KDM3A: variants seen among roughly 807,000 people sequenced by gnomAD.
KDM3A encodes lysine demethylase 3A, also known as lysine-specific demethylase 3A.
A neutral mutation model predicts 158.0 loss-of-function variants in KDM3A; 60 were observed. That is an observed-to-expected ratio of 0.38 (90% CI 0.31 to 0.47). The LOEUF (loss-of-function observed/expected upper bound fraction) is 0.47, where lower values mean the gene tolerates loss of function less well. Among genes scored for constraint, KDM3A ranks in the 20% least tolerant of loss-of-function variants. KDM3A has a pLI of 0.99. For synonymous variants in KDM3A, 608 were observed against 549.3 expected (o/e 1.11, Z -1.49); for missense variants, 1,319 against 1,574.3 (o/e 0.84, Z 2.74).
chr2:86,475,524 T>C (rs572299739), intron 12 of KDM3A, among the ~76,000 whole-genome samples: 59 of 152,292 alleles, frequency 3.9e-4, no homozygotes, highest in Admixed American at 8.5e-4. Flanking sequence ...TTGGGAGCAC[T>C]GTTACACTGA....
chr2:86,447,977 G>T (rs1683022625), intron 2 of KDM3A, among the ~76,000 whole-genome samples: 1 of 152,176 alleles, frequency 6.6e-6, no homozygotes, highest in African/African-American at 2.4e-5. Context: ...TATGGATTCT[G>T]TGGCTAGGAA....
intron 21 of KDM3A, 193 bp from the exon 22 acceptor site, chr2:86,489,125 G>A: frequency 1.7e-6 from 1 of 576,950 alleles, no homozygotes; most frequent in Non-Finnish European, 2.9e-6. Context: ...TGCTGTTTTT[G>A]GCTTCTGAGT....
At chr2:86,483,903 A>G (rs1674057951) in intron 18 of KDM3A, 84 bp from the exon 19 acceptor site, 1 of 1,079,126 alleles carries the variant, frequency 9.3e-7, no homozygotes, top group Non-Finnish European at 1.4e-6. Flanking sequence ...AAATATACCA[A>G]TAGCAGTGTG....
intron 2 of KDM3A, chr2:86,442,527 A>T: frequency 3.7e-6 from 1 of 267,052 alleles, no homozygotes; most frequent in South Asian, 8.3e-5. Flanking sequence ...ACTGCAGAGG[A>T]GGAGGAGTAT....
At chr2:86,474,631 TC>T in intron 11 of KDM3A, 144 bp from the exon 12 acceptor site, 1 of 593,698 alleles carries the variant, frequency 1.7e-6, no homozygotes, top group South Asian at 2.1e-5. Context: ...ACCACTGCAC[TC>T]CAGCCTGGGT....
intron 8 of KDM3A, among the ~76,000 whole-genome samples, chr2:86,461,462 G>A (rs1467777092): frequency 6.6e-6 from 1 of 152,056 alleles, no homozygotes; most frequent in Non-Finnish European, 1.5e-5. Flanking sequence ...TTCACTCCTT[G>A]GTATGTTCAT....
Position 86,456,837 on chromosome 2 carries a change from G to A in KDM3A, c.714G>A (p.Leu238=), listed in dbSNP as rs1471109914. The A allele has an allele frequency of 6.2e-7, 1 of 1,612,484 alleles. No homozygotes were observed. The highest frequency in any genetic ancestry group is 8.5e-7 in the Non-Finnish European group (1 of 1,178,958). The change falls in exon 7 of 26, where the codon CTG becomes CTA. Residue 238 remains leucine (L), a synonymous_variant. Coordinates refer to ENST00000312912, the MANE Select transcript of KDM3A (RefSeq NM_018433.6). ...CACTGAAAATTGTTGATCCGTCACT[G>A]ATTCATGTTGAAGTTGTACACGATA... ...IPALKIVDPS[L]IHVEVVHDNL... is the part of the protein sequence containing the mutation.
upstream of KDM3A, among the ~76,000 whole-genome samples, chr2:86,439,468 T>C (rs997599020): frequency 6.6e-6 from 1 of 152,098 alleles, no homozygotes. Flanking sequence ...TTTTATAACT[T>C]TTATAAAATG....
intron 10 of KDM3A, among the ~76,000 whole-genome samples, chr2:86,469,503 T>A (rs1673306907): frequency 6.6e-6 from 1 of 152,230 alleles, no homozygotes. Flanking sequence ...GTCTACCTTG[T>A]CTTTAGAAAC....
chr2:86,467,343 G>GAGTAGGAAGAGGTGATCTGTGACAGGT (rs1673198606), intron 10 of KDM3A: 1 of 153,996 alleles, frequency 6.5e-6, no homozygotes, highest in Admixed American at 6.4e-5. Context: ...ATCCAGGTTG[G>GAGTAGGAAGAGGTGATCTGTGACAGGT]AGTAGGAAGA....
chr2:86,455,301 T>G (rs1034835626), intron 5 of KDM3A, 114 bp downstream of exon 5: 1 of 668,358 alleles, frequency 1.5e-6, no homozygotes, highest in South Asian at 1.9e-5. Flanking sequence ...TTTCTTTTTT[T>G]TTTTTTTTGA....
intron 2 of KDM3A, 74 bp from the exon 3 acceptor site, chr2:86,449,733 C>A: frequency 1.4e-6 from 2 of 1,458,772 alleles, no homozygotes; most frequent in Non-Finnish European, 1.9e-6. Context: ...AGGTATAGTT[C>A]AGCTGGGGCA....
chr2:86,443,831 A>G (rs142997575), intron 2 of KDM3A, among the ~76,000 whole-genome samples: 2 of 152,164 alleles, frequency 1.3e-5, no homozygotes, highest in South Asian at 2.1e-4. Context: ...AGAATGGCCA[A>G]CCTTTTTGCT....
At chr2:86,466,280 G>T in intron 9 of KDM3A, 92 bp from the exon 10 acceptor site, 2 of 1,310,482 alleles carry the variant, frequency 1.5e-6, no homozygotes, top group South Asian at 1.5e-5. Flanking sequence ...TTTCATACTC[G>T]TTACCTTAGG....
chr2:86,460,628 C>CT (rs1239779772), intron 8 of KDM3A, among the ~76,000 whole-genome samples: 1 of 152,194 alleles, frequency 6.6e-6, no homozygotes, highest in East Asian at 1.9e-4. Flanking sequence ...TACCTGGCTC[C>CT]TTGAAGGTCT....
chr2:86,454,846 T>C (rs1381588885), intron 4 of KDM3A, among the ~76,000 whole-genome samples: 2 of 152,224 alleles, frequency 1.3e-5, no homozygotes, highest in Non-Finnish European at 2.9e-5. Flanking sequence ...TCTTAATATT[T>C]CTCATGCTTC....
intron 2 of KDM3A, among the ~76,000 whole-genome samples, chr2:86,445,614 T>A (rs1682926907): frequency 6.6e-6 from 1 of 152,226 alleles, no homozygotes; most frequent in Non-Finnish European, 1.5e-5. Context: ...AATTAGTCCT[T>A]GCCATCTGTA....
chr2:86,437,989 A>G (rs1682517561), upstream of KDM3A, among the ~76,000 whole-genome samples: 1 of 152,076 alleles, frequency 6.6e-6, no homozygotes, highest in Admixed American at 6.5e-5. Context: ...TTATTACATT[A>G]GCAATTAACC....
rs1332908223 is a variant in KDM3A, at chr2:86,478,627, C to G, written c.2208C>G (p.Asp736Glu). Residue 736 changes from aspartate to glutamate, a missense_variant, in exon 15 of 26, where the codon GAC becomes GAG. By Grantham distance (45) the Asp-to-Glu change is conservative. Coordinates refer to ENST00000312912, the MANE Select transcript of KDM3A (RefSeq NM_018433.6). ...IPGKALYDVG[D>E]IVHSVRAKWG... ...CTTTAGCACTCTATGATGTTGGAGA[C>G]ATTGTTCATTCTGTAAGAGCGAAAT... 4 of 1,613,958 alleles carry G rather than the reference C, an allele frequency of 2.5e-6. No individual in the cohort carries two copies. The African/African-American group carries it at 4.0e-5, about 16-fold the overall frequency.
Sources: allele counts gnomAD v4.1 joint callset (sites outside exome capture counted in the v4.1 genomes callset), GRCh38; gene constraint gnomAD v4.1.1; transcripts MANE v1.5; gene names NCBI Gene and HGNC (gene_info 2026-07-23, HGNC 2026-07-21).